ITGA8: variants seen among roughly 807,000 people sequenced by gnomAD.
The protein encoded by ITGA8 is integrin alpha-8.
ITGA8 carries 91 observed loss-of-function variants against 142.3 expected under a neutral mutation model. That is an observed-to-expected ratio of 0.64 (90% CI 0.54 to 0.76). The LOEUF (loss-of-function observed/expected upper bound fraction) is 0.76. ITGA8 is among the 30% of genes least tolerant of loss of function. The pLI is 0.00. For missense variants in ITGA8, 1,406 were observed against 1,327.7 expected (o/e 1.06, Z -0.92); for synonymous variants, 505 against 485.2 (o/e 1.04, Z -0.54).
chr10:15,667,557 C>A (rs1272365718), intron 8 of ITGA8, among the ~76,000 whole-genome samples: 1 of 152,122 alleles, frequency 6.6e-6, no homozygotes, highest in Non-Finnish European at 1.5e-5. Flanking sequence ...TTGCCTTCTG[C>A]TAGGTTTTGA....
intron 14 of ITGA8, among the ~76,000 whole-genome samples, chr10:15,614,952 G>A (rs1833366322): frequency 6.6e-6 from 1 of 152,192 alleles, no homozygotes; most frequent in African/African-American, 2.4e-5. Context: ...GGAGGGGGCT[G>A]GGAGTTCTGA....
Position 15,626,846 on chromosome 10 carries a change from C to T in ITGA8, c.1400-10287G>A, listed in dbSNP as rs548460202. On this transcript the variant is annotated intron_variant, in intron 13 of 29. Coordinates refer to ENST00000378076, the MANE Select transcript of ITGA8 (RefSeq NM_003638.3). ...GCTTAGAGGAAACCAACCCTGCTGA[C>T]GCCTTGATCTTGGACTTGCAGCCTA... is the stretch of plus-strand genomic sequence containing the variant. Among the ~76,000 whole-genome samples, 18 of 152,268 alleles carry T rather than the reference C, an allele frequency of 1.2e-4. No individual in the cohort carries two copies. The South Asian group carries it at 1.2e-3, about 11-fold the overall frequency.
At chr10:15,656,036 G>C (rs945133581) in intron 10 of ITGA8, among the ~76,000 whole-genome samples, 2 of 151,898 alleles carry the variant, frequency 1.3e-5, no homozygotes, top group African/African-American at 2.4e-5. Flanking sequence ...AGTGATCTGA[G>C]ACTACACAAC....
chr10:15,620,571 A>T (rs1833471600), intron 13 of ITGA8, among the ~76,000 whole-genome samples: 1 of 152,346 alleles, frequency 6.6e-6, no homozygotes, highest in East Asian at 1.9e-4. Flanking sequence ...GGCAAAGAAA[A>T]CAGTTACCTA....
chr10:15,719,045 G>T (rs1835507507), intron 1 of ITGA8, 146 bp from the exon 2 acceptor site: 1 of 1,273,190 alleles, frequency 7.9e-7, no homozygotes, highest in Non-Finnish European at 1.1e-6. Flanking sequence ...TGTCAAACTT[G>T]ATTTCCTCTT....
chr10:15,568,320 TTGGGCAACAAG>T (rs1269887547), intron 25 of ITGA8, among the ~76,000 whole-genome samples: 1 of 152,208 alleles, frequency 6.6e-6, no homozygotes, highest in Non-Finnish European at 1.5e-5. Context: ...TGCTCTGTGT[TTGGGCAACAAG>T]TGAGATGGTT....
chr10:15,629,985 C>A (rs1833656441), intron 13 of ITGA8, among the ~76,000 whole-genome samples: 1 of 151,974 alleles, frequency 6.6e-6, no homozygotes, highest in African/African-American at 2.4e-5. Flanking sequence ...AAGGCACAGA[C>A]CTGTCTCCAG....
At chr10:15,667,789 T>G (rs1377194603) in intron 8 of ITGA8, among the ~76,000 whole-genome samples, 3 of 152,148 alleles carry the variant, frequency 2.0e-5, no homozygotes, top group Non-Finnish European at 2.9e-5. Flanking sequence ...CAGTAGTCAT[T>G]CAGGAGCAGG....
At chr10:15,704,350 C>A (rs964532736) in intron 2 of ITGA8, among the ~76,000 whole-genome samples, 5 of 152,180 alleles carry the variant, frequency 3.3e-5, no homozygotes, top group African/African-American at 1.2e-4. Flanking sequence ...ACTGCACCTG[C>A]TAATTTTTTT....
intron 13 of ITGA8, 68 bp from the exon 14 acceptor site, chr10:15,616,627 G>T: frequency 7.6e-7 from 1 of 1,321,144 alleles, no homozygotes; most frequent in Non-Finnish European, 1.1e-6. Flanking sequence ...GTTCAAAATC[G>T]TAAGTAGCAC....
At chr10:15,651,993 G>A (rs1391042437) in intron 11 of ITGA8, among the ~76,000 whole-genome samples, 1 of 152,000 alleles carries the variant, frequency 6.6e-6, no homozygotes, top group Non-Finnish European at 1.5e-5. Flanking sequence ...GTAAATTAAT[G>A]GAAATATCCT....
At chr10:15,562,830 C>T (rs182346640) in intron 25 of ITGA8, among the ~76,000 whole-genome samples, 4 of 152,254 alleles carry the variant, frequency 2.6e-5, no homozygotes, top group Admixed American at 2.6e-4. Flanking sequence ...GGAGGGGAAG[C>T]CCCACAGTTG....
chr10:15,575,135 T>G (rs1421123774), intron 24 of ITGA8, among the ~76,000 whole-genome samples: 1 of 152,076 alleles, frequency 6.6e-6, no homozygotes, highest in Non-Finnish European at 1.5e-5. Flanking sequence ...TCTACTGTAG[T>G]TATAGCACTG....
intron 26 of ITGA8, among the ~76,000 whole-genome samples, chr10:15,549,920 G>A (rs1034723541): frequency 3.9e-5 from 6 of 152,150 alleles, no homozygotes; most frequent in Admixed American, 2.0e-4. Context: ...CCAAAGGCAC[G>A]TGGGTGGACT....
intron 20 of ITGA8, among the ~76,000 whole-genome samples, chr10:15,603,754 T>A (rs1319475): frequency 2.0e-5 from 3 of 152,144 alleles, no homozygotes; most frequent in African/African-American, 7.2e-5. Context: ...TTTCCCTTCC[T>A]GTGTCGGTCC....
chr10:15,596,438 C>T (rs912625130), intron 21 of ITGA8: 1 of 152,122 alleles, frequency 6.6e-6, no homozygotes, highest in African/African-American at 2.4e-5. Context: ...TAAAAAACTC[C>T]CCTCCTCCCA....
chr10:15,661,741 C>T (rs1834290808), intron 8 of ITGA8, among the ~76,000 whole-genome samples: 1 of 152,072 alleles, frequency 6.6e-6, no homozygotes, highest in Non-Finnish European at 1.5e-5. Flanking sequence ...GAGAGGGGAG[C>T]CTTGGACAGG....
chr10:15,663,037 G>C (rs1834319250), intron 8 of ITGA8, among the ~76,000 whole-genome samples: 1 of 152,170 alleles, frequency 6.6e-6, no homozygotes, highest in Admixed American at 6.5e-5. Context: ...AATTTTTAGG[G>C]GTTCCGATCC....
chr10:15,714,842 A>C (rs1008663542), intron 2 of ITGA8, among the ~76,000 whole-genome samples: 1 of 152,172 alleles, frequency 6.6e-6, no homozygotes, highest in African/African-American at 2.4e-5. Context: ...TTAGTTGGTT[A>C]CCAGAGCAGA....
Sources: allele counts gnomAD v4.1 joint callset (sites outside exome capture counted in the v4.1 genomes callset), GRCh38; gene constraint gnomAD v4.1.1; transcripts MANE v1.5; gene names NCBI Gene and HGNC (gene_info 2026-07-23, HGNC 2026-07-21).